Variants in PCDHA8 observed in about 807,000 individuals in gnomAD.
The protein encoded by PCDHA8 is protocadherin alpha 8.
A neutral mutation model predicts 61.8 loss-of-function variants in PCDHA8; 53 were observed. That is an observed-to-expected ratio of 0.86 (90% CI 0.69 to 1.08). The LOEUF is 1.08. PCDHA8 is among the 50% of genes least tolerant of loss of function. PCDHA8 has a pLI of 0.00. For synonymous variants in PCDHA8, 618 were observed against 556.6 expected (o/e 1.11, Z -1.55); for missense variants, 1,293 against 1,245.0 (o/e 1.04, Z -0.58).
At chr5:140,854,785 T>G (rs998570267) in intron 1 of PCDHA8, 1 of 149,740 alleles carries the variant, frequency 6.7e-6, no homozygotes, top group South Asian at 2.1e-4. Flanking sequence ...TTTCAAGAAC[T>G]TTGAGAGAGA....
chr5:140,884,703 A>T, intron 1 of PCDHA8: 3 of 1,495,534 alleles, frequency 2.0e-6, no homozygotes, highest in Non-Finnish European at 2.7e-6. Flanking sequence ...TAAACACTTT[A>T]GCCTTCCTTG....
chr5:140,971,537 G>T (rs1414023721), intron 1 of PCDHA8, among the ~76,000 whole-genome samples: 1 of 152,136 alleles, frequency 6.6e-6, no homozygotes, highest in Non-Finnish European at 1.5e-5. Flanking sequence ...AGTCATCATT[G>T]CCAGATCAAC....
At position 140,850,006 on chromosome 5, in the gene PCDHA8, T is replaced by A. The variant is rs2150463121; in HGVS notation, c.2394+6291T>A. On this transcript the variant is annotated intron_variant, in intron 1 of 3. Coordinates refer to ENST00000531613, the MANE Select transcript of PCDHA8 (RefSeq NM_018911.3). ...GAGCGGCGGTTGGGCGAGCGCTCGC[T>A]GTCGAGCTACGTGTCAGTGCACGCG... is the stretch of plus-strand genomic sequence containing the variant. The A allele has an allele frequency of 2.5e-6, 4 of 1,596,854 alleles. No homozygotes were observed. In the African/African-American group the frequency reaches 5.4e-5, roughly 21 times the overall value.
chr5:140,887,670 C>T (rs368430565), intron 1 of PCDHA8, among the ~76,000 whole-genome samples: 1 of 151,988 alleles, frequency 6.6e-6, no homozygotes, highest in Non-Finnish European at 1.5e-5. Context: ...GTGGATTTAT[C>T]ATTTTCATCA....
intron 1 of PCDHA8, among the ~76,000 whole-genome samples, chr5:140,855,122 G>C (rs1327374532): frequency 1.3e-5 from 2 of 149,706 alleles, no homozygotes; most frequent in African/African-American, 4.9e-5. Flanking sequence ...CATTCTATAG[G>C]TAATAATTTT....
chr5:140,849,625 T>A, intron 1 of PCDHA8: 1 of 1,598,718 alleles, frequency 6.3e-7, no homozygotes, highest in Non-Finnish European at 8.6e-7. Flanking sequence ...GTGATCGACC[T>A]AGACGCAGAT....
At chr5:141,005,594 C>T (rs534928198) in intron 3 of PCDHA8, among the ~76,000 whole-genome samples, 10 of 147,680 alleles carry the variant, frequency 6.8e-5, no homozygotes, top group African/African-American at 1.8e-4. Flanking sequence ...CCCAGCTACA[C>T]AGGAGGCTGA....
At position 140,863,376 on chromosome 5, in the gene PCDHA8, C is replaced by A. The variant is rs781824830; in HGVS notation, c.2394+19661C>A. The A allele has an allele frequency of 5.3e-6, 6 of 1,123,238 alleles. No individual in the cohort carries two copies. The Admixed American group carries it at 5.5e-5, about 10-fold the overall frequency. 69.6% of individuals were successfully genotyped at this position (1,123,238 alleles called of 1,614,324 possible). On this transcript the variant is annotated intron_variant, in intron 1 of 3. Transcript: ENST00000531613. ...CGCTGCGGTGCTTGGCGCAGCTCAC[C>A]GAGAGCTCGTGCATGCCGGGCAAGC... is the stretch of plus-strand genomic sequence containing the variant.
intron 1 of PCDHA8, among the ~76,000 whole-genome samples, chr5:140,939,224 C>T (rs761211778): frequency 8.5e-5 from 13 of 152,130 alleles, no homozygotes; most frequent in Admixed American, 4.6e-4. Context: ...TGTCTCTTCA[C>T]CTTCTGGAAG....
intron 1 of PCDHA8, chr5:140,882,198 G>C (rs964999330): frequency 2.0e-6 from 3 of 1,525,466 alleles, no homozygotes; most frequent in African/African-American, 2.8e-5. Context: ...ATAAAAATTG[G>C]GCCTTGAGAG....
chr5:140,978,829 T>C, intron 1 of PCDHA8, 120 bp from the exon 2 acceptor site: 1 of 1,533,852 alleles, frequency 6.5e-7, no homozygotes, highest in Non-Finnish European at 8.8e-7. Flanking sequence ...ATGAAATGGC[T>C]CATTCAATAC....
At chr5:140,852,957 C>A in intron 1 of PCDHA8, 1 of 439,404 alleles carries the variant, frequency 2.3e-6, no homozygotes, top group Non-Finnish European at 3.1e-6. Flanking sequence ...TGGCTCACTC[C>A]AAGCTCCCCC....
rs2150442306 is a variant in PCDHA8 at position 140,849,604 on chromosome 5, C to T, written c.2394+5889C>T. 16 of 1,598,568 alleles carry T rather than the reference C, an allele frequency of 1.0e-5. 2 individuals are homozygous for T. The highest frequency in any genetic ancestry group is 1.4e-5 in the Non-Finnish European group (16 of 1,167,944). On this transcript the variant is annotated intron_variant, in intron 1 of 3. Coordinates refer to ENST00000531613, the MANE Select transcript of PCDHA8 (RefSeq NM_018911.3). ...GACGCACAACTGGGGACAGTTATTG[C>T]CCTGATTAGTGTGATCGACCTAGAC... is the stretch of plus-strand genomic sequence containing the variant.
At chr5:140,928,790 GGGT>G in intron 1 of PCDHA8, 1 of 1,614,176 alleles carries the variant, frequency 6.2e-7, no homozygotes. Flanking sequence ...GTTAAGCAGA[GGGT>G]GGTGGTAGTG....
At chr5:140,977,936 A>G (rs1444613652) in intron 1 of PCDHA8, among the ~76,000 whole-genome samples, 2 of 152,202 alleles carry the variant, frequency 1.3e-5, no homozygotes, top group African/African-American at 4.8e-5. Context: ...CTATACCTCA[A>G]TATTCAGTGA....
rs971447494 is a variant in PCDHA8, at chr5:140,855,570, A to G, written c.2394+11855A>G. 1.4e-4 allele frequency among the ~76,000 whole-genome samples: 21 copies of G among 149,936 alleles called. 2 individuals carry two copies. Among genetic ancestry groups the G allele is most frequent in the African/African-American group, 5.1e-4 (21 of 40,914 alleles). ...GAACTTAAATGGAACTAAAGTTGTCATTTAATAAAATATTAGTATACTCAG... is the reference window on the plus strand; with the variant it reads ...GAACTTAAATGGAACTAAAGTTGTCGTTTAATAAAATATTAGTATACTCAG... On this transcript the variant is annotated intron_variant, in intron 1 of 3. Transcript: ENST00000531613.
At chr5:140,909,854 C>T (rs756812618) in intron 1 of PCDHA8, among the ~76,000 whole-genome samples, 8 of 152,186 alleles carry the variant, frequency 5.3e-5, no homozygotes, top group Non-Finnish European at 1.2e-4. Flanking sequence ...CGTTTTCGGT[C>T]CCCTGGAGTC....
intron 1 of PCDHA8, among the ~76,000 whole-genome samples, chr5:140,889,975 T>A (rs2062445806): frequency 6.6e-6 from 1 of 152,182 alleles, no homozygotes; most frequent in African/African-American, 2.4e-5. Flanking sequence ...CTATCCAGTC[T>A]CCAGTTGTCT....
chr5:140,850,124 G>C lies in PCDHA8; in HGVS notation c.2394+6409G>C, dbSNP rs1321633502. On this transcript the variant is annotated intron_variant, in intron 1 of 3. Coordinates refer to ENST00000531613, the MANE Select transcript of PCDHA8 (RefSeq NM_018911.3). ...TGAGCGCGCGCGACGCGGGCGTGCCGCCTCTGGGCAGCAACGTGACGCTGC... is the reference window on the plus strand; with the variant it reads ...TGAGCGCGCGCGACGCGGGCGTGCCCCCTCTGGGCAGCAACGTGACGCTGC... The C allele has an allele frequency of 1.9e-6, 3 of 1,595,828 alleles. 1 individual carries two copies. The highest frequency in any genetic ancestry group is 2.7e-5 in the African/African-American group (2 of 74,384).
Sources: gnomAD v4.1 joint callset for allele counts (sites outside exome capture counted in the v4.1 genomes callset) on GRCh38, gnomAD v4.1.1 for gene constraint, MANE v1.5 for transcripts, NCBI Gene and HGNC (gene_info 2026-07-23, HGNC 2026-07-21) for gene names.